Variants in CADPS observed in about 807,000 individuals in gnomAD.
CADPS encodes calcium dependent secretion activator, also known as calcium-dependent secretion activator 1.
Under a neutral mutation model 167.3 loss-of-function variants are expected in CADPS, and 57 were observed. The ratio of observed to expected loss-of-function variants is 0.34; its 90% CI spans 0.28 to 0.42. The LOEUF is 0.42. Among genes scored for constraint, CADPS ranks in the 20% least tolerant of loss-of-function variants. The pLI, the probability that CADPS is intolerant of heterozygous loss-of-function variation, is 1.00. For synonymous variants in CADPS, 676 were observed against 635.3 expected, an observed-to-expected ratio of 1.06 and a Z score of -0.96; for missense variants, 1,414 against 1,738.1, an observed-to-expected ratio of 0.81 and a Z score of 3.32.
At chr3:62,517,462 C>T (rs917788461) in intron 14 of CADPS, among the ~76,000 whole-genome samples, 1 of 152,230 alleles carries the variant, frequency 6.6e-6, no homozygotes, top group Non-Finnish European at 1.5e-5. Context: ...TGTTATGCCA[C>T]GAGTTAATAC....
At chr3:62,854,889 T>C (rs960286070) in intron 1 of CADPS, among the ~76,000 whole-genome samples, 4 of 152,080 alleles carry the variant, frequency 2.6e-5, no homozygotes, top group Admixed American at 6.6e-5. Flanking sequence ...GACTCAAACA[T>C]GGAAATATGT....
chr3:62,441,330 T>C (rs1333118550), intron 27 of CADPS, among the ~76,000 whole-genome samples: 1 of 152,204 alleles, frequency 6.6e-6, no homozygotes, highest in East Asian at 1.9e-4. Flanking sequence ...AATTTGTGAA[T>C]AAGCTACCCT....
chr3:62,610,171 C>A (rs892734560), intron 6 of CADPS, among the ~76,000 whole-genome samples: 1 of 151,886 alleles, frequency 6.6e-6, no homozygotes, highest in Non-Finnish European at 1.5e-5. Flanking sequence ...GAATTTGGAG[C>A]CTTTTCTTTT....
chr3:62,746,684 C>G (rs563772151), intron 3 of CADPS, among the ~76,000 whole-genome samples: 2 of 152,052 alleles, frequency 1.3e-5, no homozygotes, highest in Non-Finnish European at 2.9e-5. Flanking sequence ...ATTTGATGCA[C>G]CAGAGACTCT....
At chr3:62,464,953 G>A (rs2059775467) in intron 26 of CADPS, among the ~76,000 whole-genome samples, 1 of 152,122 alleles carries the variant, frequency 6.6e-6, no homozygotes, top group Admixed American at 6.5e-5. Flanking sequence ...TTGACACAGT[G>A]AGGACCATAT....
intron 3 of CADPS, among the ~76,000 whole-genome samples, chr3:62,725,881 C>T (rs1035184513): frequency 1.3e-5 from 2 of 151,756 alleles, no homozygotes; most frequent in African/African-American, 4.9e-5. Context: ...GGCATTATCA[C>T]CACTCTCCAT....
chr3:62,600,936 T>A (rs771731211), intron 6 of CADPS, among the ~76,000 whole-genome samples: 1 of 152,080 alleles, frequency 6.6e-6, no homozygotes, highest in Admixed American at 6.6e-5. Context: ...CTGGGCAACA[T>A]AGTGATACCC....
chr3:62,557,385 C>A lies in CADPS; in HGVS notation c.1753+20G>T, dbSNP rs764877621. On this transcript the variant is annotated intron_variant, in intron 10 of 29. Coordinates refer to ENST00000383710, the MANE Select transcript of CADPS (RefSeq NM_003716.4). Reference sequence around the variant, plus strand: ...AGGTTGAGGGTTTGTGGGCTCGTGGCCTTGAGGGTCGGTGGGTACCTGGCT... The same window carrying A: ...AGGTTGAGGGTTTGTGGGCTCGTGGACTTGAGGGTCGGTGGGTACCTGGCT... The A allele has an allele frequency of 6.4e-7, 1 of 1,557,956 alleles. No individual in the cohort carries two copies. The highest frequency in any genetic ancestry group is 8.9e-7 in the Non-Finnish European group (1 of 1,128,844).
intron 9 of CADPS, among the ~76,000 whole-genome samples, chr3:62,564,238 T>C (rs1338943618): frequency 2.0e-5 from 3 of 152,072 alleles, no homozygotes; most frequent in Admixed American, 6.6e-5. Context: ...CCTGACCTCA[T>C]GATCCACCCG....
At chr3:62,666,213 G>T (rs2074370762) in intron 3 of CADPS, among the ~76,000 whole-genome samples, 1 of 152,144 alleles carries the variant, frequency 6.6e-6, no homozygotes, top group South Asian at 2.1e-4. Flanking sequence ...TAGCGGGAGT[G>T]ACCAGAAGGC....
intron 18 of CADPS, chr3:62,498,130 C>T (rs1360491812): frequency 1.5e-5 from 7 of 456,372 alleles, no homozygotes; most frequent in Middle Eastern, 3.2e-4. Context: ...CTGGTTCATT[C>T]GGTTTAGTCA....
intron 3 of CADPS, among the ~76,000 whole-genome samples, chr3:62,744,231 T>G (rs2080953786): frequency 6.6e-6 from 1 of 152,170 alleles, no homozygotes; most frequent in Admixed American, 6.5e-5. Flanking sequence ...TAGGTATAAT[T>G]GATGTCCAAA....
chr3:62,580,206 A>C (rs1664455753), intron 8 of CADPS, among the ~76,000 whole-genome samples: 1 of 152,188 alleles, frequency 6.6e-6, no homozygotes, highest in Non-Finnish European at 1.5e-5. Context: ...ACAATGATAG[A>C]CTGGATTAAG....
chr3:62,809,039 G>A (rs970017467), intron 1 of CADPS, among the ~76,000 whole-genome samples: 7 of 151,778 alleles, frequency 4.6e-5, no homozygotes, highest in East Asian at 3.9e-4. Flanking sequence ...TTAATCCATC[G>A]TCAAGTTCTG....
intron 1 of CADPS, among the ~76,000 whole-genome samples, chr3:62,799,830 TC>T (rs2093660394): frequency 6.6e-6 from 1 of 152,168 alleles, no homozygotes; most frequent in African/African-American, 2.4e-5. Flanking sequence ...AAAGTGATTA[TC>T]CATGATATTT....
chr3:62,714,968 G>A (rs1191783782), intron 3 of CADPS, among the ~76,000 whole-genome samples: 1 of 152,174 alleles, frequency 6.6e-6, no homozygotes, highest in African/African-American at 2.4e-5. Flanking sequence ...ATGGAAATGT[G>A]ACCATATTTG....
intron 13 of CADPS, among the ~76,000 whole-genome samples, chr3:62,532,035 A>G (rs2073806310): frequency 6.6e-6 from 1 of 152,146 alleles, no homozygotes; most frequent in Non-Finnish European, 1.5e-5. Context: ...TCCAGGCTCT[A>G]TGGTTAAATT....
chr3:62,552,401 A>T (rs1181905373), intron 10 of CADPS, among the ~76,000 whole-genome samples: 1 of 152,218 alleles, frequency 6.6e-6, no homozygotes, highest in Non-Finnish European at 1.5e-5. Flanking sequence ...AGTGAGAAGT[A>T]GGTGGAAACT....
At chr3:62,873,021 A>G (rs1005884147) in intron 1 of CADPS, among the ~76,000 whole-genome samples, 4 of 152,184 alleles carry the variant, frequency 2.6e-5, no homozygotes, top group African/African-American at 9.7e-5. Flanking sequence ...TATCCCAAAA[A>G]CTTTTACTTC....
Sources: allele counts gnomAD v4.1 joint callset (sites outside exome capture counted in the v4.1 genomes callset), GRCh38; gene constraint gnomAD v4.1.1; transcripts MANE v1.5; gene names NCBI Gene and HGNC (gene_info 2026-07-23, HGNC 2026-07-21).